The following MCTP2 variants were observed in gnomAD, a reference collection of about 807,000 sequenced individuals.
MCTP2 encodes multiple C2 and transmembrane domain containing 2, also known as multiple C2 and transmembrane domain-containing protein 2.
Under a neutral mutation model 111.6 loss-of-function variants are expected in MCTP2, and 132 were observed. The observed-to-expected ratio is 1.18, with a 90% CI of 1.03 to 1.37. The LOEUF (loss-of-function observed/expected upper bound fraction) is 1.37. Ranked by LOEUF, MCTP2 falls within the 40% of genes most tolerant of loss-of-function variation. The probability of loss-of-function intolerance (pLI) is 0.00; values close to 1 mark genes in which losing one functional copy is unlikely to be tolerated. For missense variants in MCTP2, 1,183 were observed against 1,067.9 expected, an observed-to-expected ratio of 1.11 and a Z score of -1.50; for synonymous variants, 395 against 387.7, an observed-to-expected ratio of 1.02 and a Z score of -0.22.
At chr15:94,401,529 T>C (rs1444389648) in intron 16 of MCTP2, among the ~76,000 whole-genome samples, 1 of 152,166 alleles carries the variant, frequency 6.6e-6, no homozygotes, top group African/African-American at 2.4e-5. Flanking sequence ...TCTTTATCTC[T>C]CTCTCTCTGT....
chr15:94,343,784 G>A (rs915775011), intron 7 of MCTP2: 18 of 152,188 alleles, frequency 1.2e-4, no homozygotes, highest in African/African-American at 4.1e-4. Context: ...TAAAAAGAGT[G>A]TCTGTTTTAT....
chr15:94,258,485 G>A (rs1009412738), intron 1 of MCTP2, among the ~76,000 whole-genome samples: 1 of 152,154 alleles, frequency 6.6e-6, no homozygotes, highest in African/African-American at 2.4e-5. Flanking sequence ...AGGAAGTGGT[G>A]CATGCATGGT....
At chr15:94,250,917 G>A (rs185175124) in intron 1 of MCTP2, among the ~76,000 whole-genome samples, 7 of 152,304 alleles carry the variant, frequency 4.6e-5, no homozygotes, top group Non-Finnish European at 7.3e-5. Flanking sequence ...TGTCCTCATA[G>A]TCAAGTTTAA....
chr15:94,266,080 GCACA>G (rs58424468), intron 1 of MCTP2, among the ~76,000 whole-genome samples: 4 of 151,550 alleles, frequency 2.6e-5, no homozygotes, highest in South Asian at 2.1e-4. Flanking sequence ...GCGTGTGCGC[GCACA>G]CACACACACA....
chr15:94,357,662 C>A (rs1353423286), intron 9 of MCTP2, among the ~76,000 whole-genome samples: 3 of 152,034 alleles, frequency 2.0e-5, no homozygotes, highest in South Asian at 2.1e-4. Context: ...TGGCTACAGC[C>A]GAGGTCTGAG....
chr15:94,301,022 A>G (rs2075584075), intron 2 of MCTP2, among the ~76,000 whole-genome samples: 1 of 152,220 alleles, frequency 6.6e-6, no homozygotes, highest in Non-Finnish European at 1.5e-5. Flanking sequence ...GGCTAAATGC[A>G]GAAAGCTTAG....
chr15:94,452,435 G>A (rs1387600104), intron 19 of MCTP2, among the ~76,000 whole-genome samples: 1 of 152,156 alleles, frequency 6.6e-6, no homozygotes, highest in Non-Finnish European at 1.5e-5. Context: ...AGCTTGAGTT[G>A]GGCCTTCCAG....
intron 2 of MCTP2, among the ~76,000 whole-genome samples, chr15:94,310,462 T>C (rs2076072985): frequency 1.3e-5 from 2 of 152,084 alleles, no homozygotes; most frequent in Admixed American, 1.3e-4. Flanking sequence ...AAAATGTCAA[T>C]TTTACAGTGT....
chr15:94,325,848 T>G, intron 4 of MCTP2, among the ~76,000 whole-genome samples: 2 of 136,784 alleles, frequency 1.5e-5, no homozygotes, highest in Admixed American at 8.3e-5. Context: ...TGAGACGGAG[T>G]CTTGGTCTGT....
rs371842574 is a variant in MCTP2, at chr15:94,434,837, TTC to T, written c.2086-5335_2086-5334del. 5.2e-3 allele frequency among the ~76,000 whole-genome samples: 793 copies of T among 151,756 alleles called. 8 individuals carry two copies. The highest frequency in any genetic ancestry group is 0.018 in the African/African-American group (748 of 41,260). On this transcript the variant is annotated intron_variant, in intron 17 of 22. Transcript: ENST00000357742. ...TTGACTATTGCATGCCATTTGCATT[TTC>T]TCTTTCTTTCTTTCTTTCTTTTTTT...
At chr15:94,478,897 GC>G in intron 22 of MCTP2, 68 bp from the exon 23 acceptor site, 3 of 1,373,694 alleles carry the variant, frequency 2.2e-6, no homozygotes, top group Non-Finnish European at 3.1e-6. Context: ...TCCTTGGGGA[GC>G]CATTAGCACA....
intron 1 of MCTP2, among the ~76,000 whole-genome samples, chr15:94,295,054 A>G (rs1176371485): frequency 7.0e-6 from 1 of 143,402 alleles, no homozygotes; most frequent in Non-Finnish European, 1.5e-5. Flanking sequence ...GGTTCAAGCA[A>G]TTCTTGTGCC....
chr15:94,288,740 G>A (rs999732510), intron 1 of MCTP2, among the ~76,000 whole-genome samples: 1 of 152,216 alleles, frequency 6.6e-6, no homozygotes, highest in Non-Finnish European at 1.5e-5. Context: ...AGGAGCTATT[G>A]TAGAATGCTC....
intron 1 of MCTP2, among the ~76,000 whole-genome samples, chr15:94,242,419 A>G (rs1449315559): frequency 6.6e-6 from 1 of 152,164 alleles, no homozygotes; most frequent in Non-Finnish European, 1.5e-5. Context: ...CGTAATAAGC[A>G]AACCTACAGA....
At chr15:94,351,655 C>T (rs1425836596) in intron 8 of MCTP2, among the ~76,000 whole-genome samples, 2 of 152,180 alleles carry the variant, frequency 1.3e-5, no homozygotes, top group South Asian at 2.1e-4. Flanking sequence ...AGTACCAGTA[C>T]ATTATTTGGC....
intron 17 of MCTP2, among the ~76,000 whole-genome samples, chr15:94,416,985 C>T (rs1041502966): frequency 3.9e-5 from 6 of 152,088 alleles, no homozygotes; most frequent in African/African-American, 7.2e-5. Flanking sequence ...TCCCTCTGAG[C>T]GCCTCAAGTC....
At chr15:94,469,367 G>C (rs1481798251) in intron 20 of MCTP2, among the ~76,000 whole-genome samples, 1 of 152,166 alleles carries the variant, frequency 6.6e-6, no homozygotes, top group Non-Finnish European at 1.5e-5. Flanking sequence ...AGTCAAAGCA[G>C]GCAATAGATA....
At chr15:94,370,799 T>C (rs1050810360) in intron 12 of MCTP2, among the ~76,000 whole-genome samples, 7 of 152,298 alleles carry the variant, frequency 4.6e-5, no homozygotes, top group African/African-American at 1.7e-4. Context: ...TCCGCACTCA[T>C]TGCCAAATTA....
intron 17 of MCTP2, among the ~76,000 whole-genome samples, chr15:94,427,790 G>A (rs547576073): frequency 2.2e-4 from 33 of 152,212 alleles, no homozygotes; most frequent in African/African-American, 7.9e-4. Flanking sequence ...GGTCCTAGAG[G>A]CCTTGATTAT....
Sources: gnomAD v4.1 joint callset for allele counts (sites outside exome capture counted in the v4.1 genomes callset) on GRCh38, gnomAD v4.1.1 for gene constraint, MANE v1.5 for transcripts, NCBI Gene and HGNC (gene_info 2026-07-23, HGNC 2026-07-21) for gene names.